Variants in MAP3K14 observed in about 807,000 individuals in gnomAD.
MAP3K14 encodes the protein NF-kappa-beta-inducing kinase.
In MAP3K14, 16 loss-of-function variants were observed where a neutral mutation model predicts 99.2. That is an observed-to-expected ratio of 0.16 (90% confidence interval 0.11 to 0.24). The LOEUF (loss-of-function observed/expected upper bound fraction) is 0.24. MAP3K14 is among the 10% of genes least tolerant of loss of function. The pLI is 1.00. For missense variants in MAP3K14, 784 were observed against 1,208.7 expected (o/e 0.65, Z 5.21); for synonymous variants, 462 against 492.4 (o/e 0.94, Z 0.82).
In MAP3K14 at chr17:45,287,728, C is replaced by T. The variant is rs544397765; in HGVS notation, c.327-364G>A. ...GAGAGTCAGGGGAGCAGACACGGTT[C>T]GCTCACTGCTCTCCAAGGTGAGCTG... On this transcript the variant is annotated intron_variant, in intron 3 of 15. Transcript: ENST00000344686. 2.6e-5 allele frequency among the ~76,000 whole-genome samples: 4 copies of T among 152,296 alleles called. No individual in the cohort carries two copies. The South Asian group carries it at 6.2e-4, about 24-fold the overall frequency.
At chr17:45,280,753 G>C (rs1366518623) in intron 6 of MAP3K14, among the ~76,000 whole-genome samples, 1 of 151,804 alleles carries the variant, frequency 6.6e-6, no homozygotes, top group East Asian at 1.9e-4. Context: ...AGTATTACAG[G>C]CATGCGCTAC....
chr17:45,293,393 T>C (rs1213463577), intron 1 of MAP3K14, among the ~76,000 whole-genome samples: 2 of 151,836 alleles, frequency 1.3e-5, no homozygotes, highest in African/African-American at 2.4e-5. Context: ...AGTCCCAGAG[T>C]TGTCCTTTCA....
rs1448741178 is a variant in MAP3K14 at position 45,272,454 on chromosome 17, C to T, written c.1657+1049G>A. The stretch of plus-strand genomic sequence containing the variant: ...AGGTCAAGTGTCCACATTCAATTTA[C>T]ATCTTCAGAATTGCCAACATAGTCC... On this transcript the variant is annotated intron_variant, in intron 9 of 15. Transcript: ENST00000344686. The surrounding 1 kb of genome is among the most constrained non-coding windows in gnomAD (Gnocchi z 4.1). Among the ~76,000 whole-genome samples, 1 of 152,216 alleles carries T rather than the reference C, an allele frequency of 6.6e-6. No individual in the cohort carries two copies. The highest frequency in any genetic ancestry group is 1.5e-5 in the Non-Finnish European group (1 of 68,026).
At chr17:45,295,202 C>T (rs9891724) in intron 1 of MAP3K14, among the ~76,000 whole-genome samples, 4,187 of 151,188 alleles carry the variant, frequency 0.028, 211 homozygotes, top group African/African-American at 0.097. Context: ...GAACCAGAAG[C>T]TATGGGTTCT....
chr17:45,273,845 C>G, intron 8 of MAP3K14: 1 of 647,002 alleles, frequency 1.5e-6, no homozygotes, highest in Non-Finnish European at 2.8e-6. Flanking sequence ...CTCGGGAACG[C>G]TGCCACTCTG....
Position 45,270,504 on chromosome 17 carries a change from G to A in MAP3K14, c.1881C>T (p.Ala627=). The change falls in exon 11 of 16, where the codon GCC becomes GCT. Residue 627 remains alanine, a synonymous_variant. Transcript: ENST00000344686. ...TCCTCAGCCCCTCTTGGATGGCCTGGGCTGTGAGAGGGGCGCAGGAGGGTG... is the reference window on the plus strand; with the variant it reads ...TCCTCAGCCCCTCTTGGATGGCCTGAGCTGTGAGAGGGGCGCAGGAGGGTG... ...EIPPSCAPLT[A]QAIQEGLRKE... 6.2e-7 allele frequency: 1 copy of A among 1,603,314 alleles called. No individual in the cohort carries two copies. Among genetic ancestry groups the A allele is most frequent in the Non-Finnish European group, 8.5e-7 (1 of 1,175,790 alleles).
At chr17:45,275,873 T>C (rs935298285) in intron 6 of MAP3K14, among the ~76,000 whole-genome samples, 1 of 151,426 alleles carries the variant, frequency 6.6e-6, no homozygotes, top group Non-Finnish European at 1.5e-5. Context: ...GCAATTCTCC[T>C]GCCTCAGCCT....
At chr17:45,264,946 G>A (rs1035559996) in intron 15 of MAP3K14, 146 bp from the exon 16 acceptor site, 9 of 913,420 alleles carry the variant, frequency 9.9e-6, no homozygotes, top group Middle Eastern at 3.3e-4. Flanking sequence ...AATCCCACCC[G>A]GCTCAAGTGT....
chr17:45,297,487 A>G (rs2044354549), intron 1 of MAP3K14, among the ~76,000 whole-genome samples: 2 of 152,216 alleles, frequency 1.3e-5, no homozygotes, highest in African/African-American at 4.8e-5. Context: ...GATGGTTTTA[A>G]CAGGTCGTTT....
intron 9 of MAP3K14, 51 bp from the exon 10 acceptor site, chr17:45,271,272 G>A: frequency 6.5e-7 from 1 of 1,543,850 alleles, no homozygotes; most frequent in East Asian, 2.3e-5. Flanking sequence ...ATGGGCAGGA[G>A]CCTAGGCAAT....
In MAP3K14 at chr17:45,294,142, C is replaced by T. The variant is rs142713164; in HGVS notation, c.-20-3377G>A. 1.8e-3 allele frequency among the ~76,000 whole-genome samples: 272 copies of T among 152,342 alleles called. 2 individuals carry two copies. Among genetic ancestry groups the T allele is most frequent in the Non-Finnish European group, 1.7e-3 (115 of 68,030 alleles). On this transcript the variant is annotated intron_variant, in intron 1 of 15. Transcript: ENST00000344686. ...CTAGACACTCTCCTCAGCTTATTCA[C>T]GCCCCAAAGGCATTGGGCCCTCTAC...
At chr17:45,290,378 C>T (rs1014294771) in intron 2 of MAP3K14, 112 bp downstream of exon 2, 10 of 1,323,696 alleles carry the variant, frequency 7.6e-6, no homozygotes, top group African/African-American at 2.9e-5. Context: ...TCATGAGAAT[C>T]TTATCTAGCA....
intron 1 of MAP3K14, among the ~76,000 whole-genome samples, chr17:45,298,351 G>A (rs912032707): frequency 1.8e-4 from 27 of 152,206 alleles, no homozygotes; most frequent in Admixed American, 1.4e-3. Context: ...CAGAAATAAG[G>A]CAAAATATTA....
At chr17:45,311,946 C>T (rs1195050697) in intron 1 of MAP3K14, among the ~76,000 whole-genome samples, 1 of 152,118 alleles carries the variant, frequency 6.6e-6, no homozygotes, top group African/African-American at 2.4e-5. Flanking sequence ...CTGATCTGGG[C>T]TCTGTGCCCC....
chr17:45,278,773 G>A (rs867997292), intron 6 of MAP3K14, among the ~76,000 whole-genome samples: 4 of 151,298 alleles, frequency 2.6e-5, no homozygotes, highest in South Asian at 2.1e-4. Flanking sequence ...CGACCTTCCC[G>A]GGCTCAAGCG....
At chr17:45,291,083 T>C in intron 1 of MAP3K14, 1 of 256,610 alleles carries the variant, frequency 3.9e-6, no homozygotes, top group Non-Finnish European at 7.7e-6. Flanking sequence ...TGGCTCTTTC[T>C]TGCCTTTATG....
intron 1 of MAP3K14, among the ~76,000 whole-genome samples, chr17:45,301,335 T>C (rs11657021): frequency 0.058 from 8,783 of 152,102 alleles, 359 homozygotes; most frequent in Non-Finnish European, 0.087. Context: ...TGGTGGCACA[T>C]GCCTGTAATC....
chr17:45,282,754 G>A (rs937319768), intron 6 of MAP3K14, among the ~76,000 whole-genome samples: 12 of 152,092 alleles, frequency 7.9e-5, no homozygotes, highest in Non-Finnish European at 1.3e-4. Flanking sequence ...GCTCTGATCC[G>A]ATGTGCAGCC....
chr17:45,308,148 GTCC>G (rs2044444276), intron 1 of MAP3K14, among the ~76,000 whole-genome samples: 1 of 152,218 alleles, frequency 6.6e-6, no homozygotes, highest in Non-Finnish European at 1.5e-5. Flanking sequence ...CGGCTCTCTC[GTCC>G]TCCCCGAGGC....
Sources: gnomAD v4.1 joint callset for allele counts (sites outside exome capture counted in the v4.1 genomes callset) on GRCh38, gnomAD v4.1.1 for gene constraint, Gnocchi (gnomAD v3.1) non-coding constraint, MANE v1.5 for transcripts, NCBI Gene and HGNC (gene_info 2026-07-23, HGNC 2026-07-21) for gene names.